PGD: variants seen among roughly 807,000 people sequenced by gnomAD.
PGD encodes phosphogluconate dehydrogenase.
In PGD, 21 loss-of-function variants were observed where a neutral mutation model predicts 60.4. The ratio of observed to expected loss-of-function variants is 0.35; its 90% CI spans 0.25 to 0.50. The LOEUF is 0.50. PGD is among the 20% of genes least tolerant of loss of function. PGD has a pLI of 0.98. For missense variants in PGD, 477 were observed against 613.1 expected, an observed-to-expected ratio of 0.78 and a Z score of 2.34; for synonymous variants, 230 against 235.9, an observed-to-expected ratio of 0.97 and a Z score of 0.23.
rs977079144 is a variant in PGD, at chr1:10,417,480, G to A, written c.1080G>A (p.Leu360=). The change falls in exon 10 of 13, where the codon CTG becomes CTA. Residue 360 remains leucine, a synonymous_variant. Transcript: ENST00000270776. ...GWTLNYGGIA[L]MWRGGCIIRS... ...CTCTCAATTATGGTGGCATCGCCCTGATGTGGAGAGGGGGCTGCATCATTA... is the reference window on the plus strand; with the variant it reads ...CTCTCAATTATGGTGGCATCGCCCTAATGTGGAGAGGGGGCTGCATCATTA... 28 of 1,613,568 alleles carry A rather than the reference G, an allele frequency of 1.7e-5. No homozygotes were observed. Among genetic ancestry groups the A allele is most frequent in the Non-Finnish European group, 2.2e-5 (26 of 1,179,800 alleles).
At chr1:10,406,202 C>A (rs1639401575) in intron 5 of PGD, among the ~76,000 whole-genome samples, 1 of 152,078 alleles carries the variant, frequency 6.6e-6, no homozygotes, top group African/African-American at 2.4e-5. Context: ...TGGGGATTCT[C>A]TTCAGTGTGT....
intron 9 of PGD, 95 bp downstream of exon 9, chr1:10,417,212 G>A: frequency 6.7e-7 from 1 of 1,494,106 alleles, no homozygotes; most frequent in Non-Finnish European, 9.2e-7. Context: ...CCACAGGATG[G>A]CAGGTGGAAT....
chr1:10,419,366 C>T lies in PGD; in HGVS notation c.1210-51C>T, dbSNP rs375143132. On this transcript the variant is annotated intron_variant, in intron 11 of 12. Transcript: ENST00000270776. ...ACATTGATATGAATGAAAATCTATCCGCGTCACCAGGGGCAGATCACTAAT... is the reference window on the plus strand; with the variant it reads ...ACATTGATATGAATGAAAATCTATCTGCGTCACCAGGGGCAGATCACTAAT... 2.7e-5 allele frequency: 43 copies of T among 1,579,366 alleles called. No homozygotes were observed. The African/African-American group carries it at 3.1e-4, about 11-fold the overall frequency.
chr1:10,414,759 A>C (rs1161763900), intron 8 of PGD, among the ~76,000 whole-genome samples: 1 of 151,878 alleles, frequency 6.6e-6, no homozygotes, highest in Non-Finnish European at 1.5e-5. Context: ...GGTTAATGAG[A>C]GGCTGATCTT....
In PGD at chr1:10,404,236, C is replaced by A; in HGVS notation, c.406C>A (p.Arg136=). The change falls in exon 5 of 13, where the codon CGG becomes AGG. Residue 136 remains arginine (R), a synonymous_variant. Transcript: ENST00000270776. ...AGTCAGTGGTGGAGAGGAAGGGGCC[C>A]GGTATGGCCCATCGCTCATGCCAGG... ...SGVSGGEEGA[R]YGPSLMPGGN... 1 of 1,613,676 alleles carries A rather than the reference C, an allele frequency of 6.2e-7. No individual in the cohort carries two copies.
At position 10,411,405 on chromosome 1, in the gene PGD, G is replaced by A. The variant is rs1484232861; in HGVS notation, c.520-13G>A. 2 of 1,612,518 alleles carry A rather than the reference G, an allele frequency of 1.2e-6. No homozygotes were observed. Among genetic ancestry groups the A allele is most frequent in the Admixed American group, 3.3e-5 (2 of 59,980 alleles). On this transcript the variant is annotated splice_polypyrimidine_tract_variant and intron_variant, in intron 6 of 12. Transcript: ENST00000270776. The stretch of plus-strand genomic sequence containing the variant: ...TTTCTCTGAAGGCCTCTTGGTGCTT[G>A]TTGTCCTGACAGGTGGGAGATGAGG...
chr1:10,400,407 T>C lies in PGD; in HGVS notation c.99T>C (p.Asn33=). The change falls in exon 3 of 13, where the codon AAT becomes AAC. Residue 33 remains asparagine (N), a synonymous_variant. Transcript: ENST00000270776. ...NDHGFVVCAF[N]RTVSKVDDFL... is the part of the protein sequence containing the mutation. ...TGTCCTTCTAGGTCTGTGCTTTTAA[T>C]AGGACTGTCTCCAAAGTTGATGATT... 1 of 1,613,474 alleles carries C rather than the reference T, an allele frequency of 6.2e-7. No homozygotes were observed. Among genetic ancestry groups the C allele is most frequent in the Non-Finnish European group, 8.5e-7 (1 of 1,179,528 alleles).
intron 5 of PGD, 33 bp downstream of exon 5, chr1:10,404,312 A>G: frequency 7.4e-7 from 1 of 1,358,584 alleles, no homozygotes. Context: ...CCATCTCTGT[A>G]CAAGGGAGCT....
chr1:10,401,198 CA>C (rs1005175683), intron 3 of PGD, among the ~76,000 whole-genome samples: 2 of 146,492 alleles, frequency 1.4e-5, no homozygotes, highest in Non-Finnish European at 3.0e-5. Flanking sequence ...GACTCCGTCT[CA>C]AAAAAAAAAT....
intron 10 of PGD, among the ~76,000 whole-genome samples, chr1:10,418,539 G>A (rs1342431880): frequency 6.6e-6 from 1 of 152,144 alleles, no homozygotes; most frequent in Non-Finnish European, 1.5e-5. Flanking sequence ...CGTTTTGGGA[G>A]GCCGAGGCAG....
At chr1:10,404,902 CTT>C (rs1639375473) in intron 5 of PGD, among the ~76,000 whole-genome samples, 1 of 152,156 alleles carries the variant, frequency 6.6e-6, no homozygotes, top group Non-Finnish European at 1.5e-5. Context: ...CCAAAAGTAA[CTT>C]AATGTGATAA....
chr1:10,410,830 G>T (rs914071864), intron 6 of PGD, among the ~76,000 whole-genome samples: 1 of 151,544 alleles, frequency 6.6e-6, no homozygotes, highest in Non-Finnish European at 1.5e-5. Flanking sequence ...TATAAATAAA[G>T]ATCTGGTCTT....
At chr1:10,418,592 C>T (rs769910621) in intron 10 of PGD, among the ~76,000 whole-genome samples, 7 of 151,954 alleles carry the variant, frequency 4.6e-5, no homozygotes, top group African/African-American at 9.7e-5. Flanking sequence ...CTGGCTAACA[C>T]GGTGAAACCC....
intron 5 of PGD, 107 bp from the exon 6 acceptor site, chr1:10,407,964 G>T: frequency 8.0e-6 from 5 of 627,610 alleles, no homozygotes; most frequent in Non-Finnish European, 1.1e-5. Context: ...AAAAAAAAAA[G>T]AAAGGAAAAG....
At chr1:10,412,916 A>G in intron 7 of PGD, 146 bp from the exon 8 acceptor site, 1 of 635,116 alleles carries the variant, frequency 1.6e-6, no homozygotes, top group East Asian at 2.7e-5. Flanking sequence ...CATAAAACTC[A>G]ACCAGCAGGA....
intron 6 of PGD, among the ~76,000 whole-genome samples, chr1:10,408,783 A>AT (rs531951617): frequency 6.1e-4 from 93 of 152,172 alleles, no homozygotes; most frequent in Non-Finnish European, 1.1e-3. Flanking sequence ...TAATATTTGT[A>AT]TTTTTTGTAG....
In PGD at chr1:10,409,649, C is replaced by CTTT. The variant is rs543426528; in HGVS notation, c.519+1533_519+1535dup. ...CTGCAATAAAAGTGAGTGGTAGCAA[C>CTTT]TTTTTTTTTTTTTTTTTTTTTTTTT... is the stretch of plus-strand genomic sequence containing the variant. On this transcript the variant is annotated intron_variant, in intron 6 of 12. Transcript: ENST00000270776. 6.4e-3 allele frequency among the ~76,000 whole-genome samples: 483 copies of CTTT among 75,386 alleles called. 58 individuals carry two copies. The highest frequency in any genetic ancestry group is 0.023 in the African/African-American group (384 of 16,412). The allele number at this position is 75,386 out of a possible 152,430, so 49.5% of individuals were successfully genotyped here.
At chr1:10,403,490 C>T (rs1289202595) in intron 4 of PGD, among the ~76,000 whole-genome samples, 37 of 148,746 alleles carry the variant, frequency 2.5e-4, no homozygotes, top group Non-Finnish European at 3.0e-5. Context: ...ACTTGGGAGG[C>T]TGAGGCAGGA....
At chr1:10,409,675 T>TTTTTTTG (rs1639465995) in intron 6 of PGD, among the ~76,000 whole-genome samples, 19 of 138,046 alleles carry the variant, frequency 1.4e-4, no homozygotes, top group East Asian at 2.0e-4. Flanking sequence ...TTTTTTTTTT[T>TTTTTTTG]GAGACAGTCT....
Sources: allele counts gnomAD v4.1 joint callset (sites outside exome capture counted in the v4.1 genomes callset), GRCh38; gene constraint gnomAD v4.1.1; transcripts MANE v1.5; gene names NCBI Gene and HGNC (gene_info 2026-07-23, HGNC 2026-07-21).